Variants in ZFPM1 observed in about 807,000 individuals in gnomAD.
ZFPM1 encodes zinc finger protein, FOG family member 1, also known as zinc finger protein ZFPM1.
In ZFPM1, 28 loss-of-function variants were observed where a neutral mutation model predicts 46.3. That is an observed-to-expected ratio of 0.60 (90% confidence interval 0.45 to 0.83). The LOEUF is 0.83. ZFPM1 is among the 40% of genes least tolerant of loss of function. The probability of loss-of-function intolerance (pLI) is 0.00; values close to 1 mark genes in which losing one functional copy is unlikely to be tolerated. For missense variants in ZFPM1, 1,878 were observed against 1,432.4 expected (o/e 1.31, Z -5.02); for synonymous variants, 957 against 675.9 (o/e 1.42, Z -6.45).
At chr16:88,473,576 TC>T (rs1198019662) in intron 1 of ZFPM1, among the ~76,000 whole-genome samples, 1 of 151,718 alleles carries the variant, frequency 6.6e-6, no homozygotes, top group African/African-American at 2.4e-5. Flanking sequence ...GGACCCCTGC[TC>T]CCTTCCAGGG....
At chr16:88,526,467 C>G (rs1912330633) in intron 4 of ZFPM1, among the ~76,000 whole-genome samples, 1 of 121,914 alleles carries the variant, frequency 8.2e-6, no homozygotes, top group Non-Finnish European at 1.7e-5. Context: ...ATACGCAGAC[C>G]CGGGTGTGAG....
chr16:88,490,179 G>A (rs539660064), intron 3 of ZFPM1, among the ~76,000 whole-genome samples: 133 of 151,844 alleles, frequency 8.8e-4, no homozygotes, highest in African/African-American at 2.9e-3. Context: ...TCAGCCTCCC[G>A]AGTAGCTGGG....
intron 5 of ZFPM1, 144 bp from the exon 6 acceptor site, chr16:88,527,888 C>A (rs1912470059): frequency 3.9e-6 from 3 of 767,742 alleles, no homozygotes; most frequent in Admixed American, 3.2e-5. Context: ...CCTTGCCCCC[C>A]AGGCAGGATG....
intron 4 of ZFPM1, 90 bp downstream of exon 4, chr16:88,514,610 C>A (rs887060604): frequency 7.0e-7 from 1 of 1,427,830 alleles, no homozygotes; most frequent in Admixed American, 2.5e-5. Context: ...ATGCCAGCTC[C>A]GGGGCTCTGG....
intron 3 of ZFPM1, among the ~76,000 whole-genome samples, chr16:88,511,653 C>CGGTTGGGAG (rs1172381949): frequency 1.3e-5 from 2 of 152,140 alleles, no homozygotes; most frequent in African/African-American, 4.8e-5. Flanking sequence ...ATTTTACTTC[C>CGGTTGGGAG]GGTTGGGAGA....
intron 1 of ZFPM1, among the ~76,000 whole-genome samples, chr16:88,456,420 C>T (rs918542364): frequency 2.6e-5 from 4 of 152,074 alleles, no homozygotes; most frequent in African/African-American, 9.7e-5. Flanking sequence ...AAGGTGGTTT[C>T]CATGGCCCAG....
rs991573694 is a variant in ZFPM1 at position 88,469,349 on chromosome 16, G to A, written c.40+15671G>A. ...GTAAAACCGGAAGGCGGTCTAGTAG[G>A]TCTGCCTCCCAGGATGGTTTCTGGG... On this transcript the variant is annotated intron_variant, in intron 1 of 9. Transcript: ENST00000319555. The surrounding 1 kb of genome is among the most constrained non-coding windows in gnomAD (Gnocchi z 4.3). Among the ~76,000 whole-genome samples, 4 of 152,218 alleles carry A rather than the reference G, an allele frequency of 2.6e-5. No homozygotes were observed. The highest frequency in any genetic ancestry group is 7.2e-5 in the African/African-American group (3 of 41,452).
Position 88,533,470 on chromosome 16 carries a change from G to A in ZFPM1, c.1512G>A (p.Leu504=). The A allele has an allele frequency of 1.4e-6, 2 of 1,415,388 alleles. No individual in the cohort carries two copies. Among genetic ancestry groups the A allele is most frequent in the Non-Finnish European group, 9.2e-7 (1 of 1,092,542 alleles). 87.7% of individuals were successfully genotyped at this position (1,415,388 alleles called of 1,614,324 possible). A position where few individuals can be genotyped will look rare whatever the true frequency, so the allele number is the denominator to read the frequency against. Residue 504 remains leucine (L), a synonymous_variant, in exon 10 of 10, where the codon CTG becomes CTA. Transcript: ENST00000319555. ...CCCCGGCCAGGGTCAAGGCCGAGCTGTCCAGCCCCACGCCGGGCTCCAGCC... is the reference window on the plus strand; with the variant it reads ...CCCCGGCCAGGGTCAAGGCCGAGCTATCCAGCCCCACGCCGGGCTCCAGCC... The part of the protein sequence containing the change: ...SPAPARVKAE[L]SSPTPGSSPV...
At chr16:88,457,312 C>T (rs113177482) in intron 1 of ZFPM1, among the ~76,000 whole-genome samples, 3,608 of 152,380 alleles carry the variant, frequency 0.024, 133 homozygotes, top group African/African-American at 0.082. Context: ...TTACCATGCT[C>T]ATGACCCAGA....
At chr16:88,486,593 C>CGCTGGGTGCACAGTGGAT (rs1280621461) in intron 2 of ZFPM1, among the ~76,000 whole-genome samples, 40 of 141,958 alleles carry the variant, frequency 2.8e-4, no homozygotes, top group African/African-American at 1.0e-3. Context: ...GCACCATGGG[C>CGCTGGGTGCACAGTGGAT]GCTGGGTGCA....
At position 88,533,940 on chromosome 16, in the gene ZFPM1, G is replaced by C; in HGVS notation, c.1982G>C (p.Arg661Pro). 7.9e-7 allele frequency: 1 copy of C among 1,265,230 alleles called. No individual in the cohort carries two copies. Among genetic ancestry groups the C allele is most frequent in the Non-Finnish European group, 1.0e-6 (1 of 985,396 alleles). The allele number at this position is 1,265,230 out of a possible 1,614,324, so 78.4% of individuals were successfully genotyped here. The part of the protein sequence containing the change: ...AATPEDGAGG[R>P]GSEGSQSPGS... ...ACGCCCGAGGACGGCGCGGGCGGCC[G>C]GGGCAGCGAGGGCAGCCAGAGCCCG... The change falls in exon 10 of 10, where the codon CGG becomes CCG. Residue 661 changes from arginine (R) to proline (P), a missense_variant. By Grantham distance (103) the Arg-to-Pro change is moderately radical. Coordinates refer to ENST00000319555, the MANE Select transcript of ZFPM1 (RefSeq NM_153813.3).
intron 3 of ZFPM1, among the ~76,000 whole-genome samples, chr16:88,496,923 G>A (rs1308422566): frequency 1.3e-5 from 2 of 152,136 alleles, no homozygotes; most frequent in Admixed American, 6.5e-5. Flanking sequence ...TCGCCACAGC[G>A]GTCCAACCCT....
chr16:88,502,173 C>T (rs1453944764), intron 3 of ZFPM1, among the ~76,000 whole-genome samples: 1 of 151,636 alleles, frequency 6.6e-6, no homozygotes, highest in African/African-American at 2.4e-5. Context: ...TTACAGCGGC[C>T]GTGGACGCAG....
At chr16:88,458,157 C>T (rs4782367) in intron 1 of ZFPM1, among the ~76,000 whole-genome samples, 50,027 of 152,056 alleles carry the variant, frequency 0.33, 8,535 homozygotes, top group East Asian at 0.49. Context: ...GCCGGGCCTG[C>T]GCTCCTTAAG....
chr16:88,489,004 G>A (rs777375668), intron 2 of ZFPM1, 27 bp from the exon 3 acceptor site: 1 of 1,606,614 alleles, frequency 6.2e-7, no homozygotes, highest in East Asian at 2.2e-5. Flanking sequence ...ACTCAGCAGG[G>A]ATGTGACGGT....
In ZFPM1 at chr16:88,488,925, C is replaced by T. The variant is rs1270281699; in HGVS notation, c.146-106C>T. 9.4e-6 allele frequency: 14 copies of T among 1,486,090 alleles called. 1 individual carries two copies. The African/African-American group carries it at 1.0e-4, about 11-fold the overall frequency. The allele number at this position is 1,486,090 out of a possible 1,614,324, so 92.1% of individuals were successfully genotyped here. A position where few individuals can be genotyped will look rare whatever the true frequency, so the allele number is the denominator to read the frequency against. ...AGATGGGGGTGGCTCTGGGCCCGAG[C>T]TCCCCAACCCGGCGCCCAGCGCCTC... is the stretch of plus-strand genomic sequence containing the variant. On this transcript the variant is annotated intron_variant, in intron 2 of 9. Transcript: ENST00000319555.
intron 4 of ZFPM1, chr16:88,516,222 A>G (rs375654971): frequency 7.5e-6 from 3 of 398,544 alleles, no homozygotes; most frequent in African/African-American, 4.1e-5. Flanking sequence ...GACCCTCGCA[A>G]GCTCCTTAAT....
At position 88,532,024 on chromosome 16, in the gene ZFPM1, C is replaced by T. The variant is rs1356211213; in HGVS notation, c.735C>T (p.Asp245=). 6.2e-7 allele frequency: 1 copy of T among 1,609,146 alleles called. No homozygotes were observed. Among genetic ancestry groups the T allele is most frequent in the Non-Finnish European group, 8.5e-7 (1 of 1,177,236 alleles). The part of the protein sequence containing the change: ...VINKDVFPCK[D]CGIWYRSERN... ...CAGAAGACGTCTTCCCCTGCAAGGA[C>T]TGTGGCATCTGGTACCGCAGCGAGC... is the stretch of plus-strand genomic sequence containing the variant. The change falls in exon 7 of 10, where the codon GAC becomes GAT. Residue 245 remains aspartate (D), a synonymous_variant. Transcript: ENST00000319555.
chr16:88,520,567 T>C (rs111067846), intron 4 of ZFPM1, among the ~76,000 whole-genome samples: 33,754 of 117,506 alleles, frequency 0.29, 5,084 homozygotes, highest in East Asian at 0.42. Flanking sequence ...GATGGATGGA[T>C]GGATGGATGG....
Sources: allele counts gnomAD v4.1 joint callset (sites outside exome capture counted in the v4.1 genomes callset), GRCh38; gene constraint gnomAD v4.1.1; non-coding constraint Gnocchi (gnomAD v3.1); transcripts MANE v1.5; gene names NCBI Gene and HGNC (gene_info 2026-07-23, HGNC 2026-07-21).